The following CTNNA3 variants were observed in gnomAD, a reference collection of about 807,000 sequenced individuals.
The protein encoded by CTNNA3 is catenin alpha-3.
Under a neutral mutation model 95.7 loss-of-function variants are expected in CTNNA3, and 76 were observed. The ratio of observed to expected loss-of-function variants is 0.79; its 90% CI spans 0.66 to 0.96. The LOEUF (loss-of-function observed/expected upper bound fraction) is 0.96, where lower values mean the gene tolerates loss of function less well. Ranked by LOEUF, CTNNA3 falls within the 40% of genes least tolerant of loss-of-function variation. The pLI is 0.00. For missense variants in CTNNA3, 1,191 were observed against 1,089.8 expected (o/e 1.09, Z -1.31); for synonymous variants, 431 against 374.4 (o/e 1.15, Z -1.74).
intron 13 of CTNNA3, among the ~76,000 whole-genome samples, chr10:66,174,032 C>A (rs1051341829): frequency 3.3e-5 from 5 of 152,140 alleles, no homozygotes; most frequent in African/African-American, 1.2e-4. Context: ...TCTAGGCACT[C>A]TGATGCTTTC....
At chr10:67,272,978 G>A (rs754848640) in intron 5 of CTNNA3, among the ~76,000 whole-genome samples, 3 of 151,914 alleles carry the variant, frequency 2.0e-5, no homozygotes, top group Non-Finnish European at 4.4e-5. Context: ...GCTCACATGG[G>A]TTCCCTCTCT....
intron 10 of CTNNA3, among the ~76,000 whole-genome samples, chr10:66,535,824 A>G (rs1400264560): frequency 6.6e-6 from 1 of 152,166 alleles, no homozygotes; most frequent in East Asian, 1.9e-4. Context: ...AATCATGACC[A>G]GTTGAATGTG....
intron 7 of CTNNA3, among the ~76,000 whole-genome samples, chr10:67,029,201 G>A (rs898777925): frequency 9.2e-5 from 14 of 152,158 alleles, no homozygotes; most frequent in African/African-American, 3.4e-4. Flanking sequence ...AATATTAGCA[G>A]CTATTTGAAA....
chr10:66,388,775 G>C (rs2092913357), intron 11 of CTNNA3, among the ~76,000 whole-genome samples: 1 of 152,062 alleles, frequency 6.6e-6, no homozygotes, highest in Admixed American at 6.6e-5. Context: ...AAATTACTAA[G>C]ATTAAATATA....
At chr10:67,098,713 G>C (rs1858158384) in intron 7 of CTNNA3, 2 of 152,280 alleles carry the variant, frequency 1.3e-5, no homozygotes, top group Admixed American at 1.3e-4. Flanking sequence ...AAAAGGTGCA[G>C]CTGCCAGTGA....
intron 7 of CTNNA3, among the ~76,000 whole-genome samples, chr10:67,056,805 A>G (rs1017427993): frequency 1.3e-5 from 2 of 152,216 alleles, no homozygotes; most frequent in African/African-American, 4.8e-5. Context: ...AGGATGAAAC[A>G]AAAGACAAAG....
intron 9 of CTNNA3, among the ~76,000 whole-genome samples, chr10:66,755,739 C>T (rs1839339298): frequency 6.6e-6 from 1 of 152,082 alleles, no homozygotes; most frequent in Non-Finnish European, 1.5e-5. Flanking sequence ...CTAAACGTTG[C>T]CAGTCCTTCT....
intron 7 of CTNNA3, among the ~76,000 whole-genome samples, chr10:66,810,717 G>C (rs1000799662): frequency 1.3e-5 from 2 of 152,172 alleles, no homozygotes; most frequent in Non-Finnish European, 2.9e-5. Flanking sequence ...CAGCAAGTAT[G>C]TTAGCATGCC....
At chr10:67,477,016 AG>A (rs1848039695) in intron 5 of CTNNA3, among the ~76,000 whole-genome samples, 1 of 151,322 alleles carries the variant, frequency 6.6e-6, no homozygotes, top group African/African-American at 2.4e-5. Flanking sequence ...CGATACCTCC[AG>A]GCAGTCAGAG....
intron 5 of CTNNA3, among the ~76,000 whole-genome samples, chr10:67,272,156 A>G (rs144531478): frequency 1.3e-3 from 192 of 152,218 alleles, no homozygotes; most frequent in Non-Finnish European, 4.9e-4. Context: ...ATACTTAACT[A>G]TTCTATAATT....
At chr10:66,362,096 A>ATTT (rs569047811) in intron 12 of CTNNA3, among the ~76,000 whole-genome samples, 24 of 81,770 alleles carry the variant, frequency 2.9e-4, no homozygotes, top group East Asian at 7.2e-4. Flanking sequence ...TTCATACACA[A>ATTT]TTTTTTTTTT....
chr10:66,911,767 A>T (rs2132560516), intron 7 of CTNNA3, among the ~76,000 whole-genome samples: 1 of 152,320 alleles, frequency 6.6e-6, no homozygotes, highest in East Asian at 1.9e-4. Context: ...ACTTGGTATT[A>T]CTACAATATT....
intron 16 of CTNNA3, 149 bp from the exon 17 acceptor site, chr10:65,966,895 C>T (rs1299608099): frequency 3.8e-6 from 2 of 529,712 alleles, no homozygotes; most frequent in Non-Finnish European, 6.5e-6. Flanking sequence ...TATGCTTCTA[C>T]CATTTACAAT....
chr10:66,650,898 C>T (rs549392820), intron 9 of CTNNA3, among the ~76,000 whole-genome samples: 6 of 152,266 alleles, frequency 3.9e-5, no homozygotes, highest in African/African-American at 1.2e-4. Context: ...AAGAACAAGG[C>T]TTCCACAGCC....
chr10:66,359,902 C>A (rs2092640325), intron 12 of CTNNA3, among the ~76,000 whole-genome samples: 1 of 151,498 alleles, frequency 6.6e-6, no homozygotes, highest in South Asian at 2.1e-4. Flanking sequence ...TCTCTGCTCA[C>A]TGCAACCTCT....
chr10:65,936,005 T>TATC, intron 17 of CTNNA3, among the ~76,000 whole-genome samples: 1 of 152,234 alleles, frequency 6.6e-6, no homozygotes, highest in South Asian at 2.1e-4. Flanking sequence ...GAAAGAAAAG[T>TATC]ATCAATCTTG....
intron 5 of CTNNA3, among the ~76,000 whole-genome samples, chr10:67,496,364 C>T (rs1163683734): frequency 1.3e-5 from 2 of 152,120 alleles, no homozygotes; most frequent in Non-Finnish European, 2.9e-5. Flanking sequence ...TAATAAAGGA[C>T]TTTCTGCCTT....
At chr10:66,696,820 T>G (rs1436743726) in intron 9 of CTNNA3, among the ~76,000 whole-genome samples, 1 of 151,962 alleles carries the variant, frequency 6.6e-6, no homozygotes, top group Non-Finnish European at 1.5e-5. Flanking sequence ...GCGCCTGTAG[T>G]CCCAGCTACT....
In CTNNA3 at chr10:66,763,444, T is replaced by C. The variant is rs1040450939; in HGVS notation, c.1281+2820A>G. Among the ~76,000 whole-genome samples, 5 of 147,272 alleles carry C rather than the reference T, an allele frequency of 3.4e-5. No homozygotes were observed. In the East Asian group the frequency reaches 6.2e-4, roughly 18 times the overall value. On this transcript the variant is annotated intron_variant, in intron 9 of 17. Coordinates refer to ENST00000433211, the MANE Select transcript of CTNNA3 (RefSeq NM_013266.4). ...AAATCATTTTTATTTTCTCCTGTTA[T>C]AGGAATCTATAAGTCTGTAAGTCTC...
Sources: allele counts gnomAD v4.1 joint callset (sites outside exome capture counted in the v4.1 genomes callset), GRCh38; gene constraint gnomAD v4.1.1; transcripts MANE v1.5; gene names NCBI Gene and HGNC (gene_info 2026-07-23, HGNC 2026-07-21).